Variants in SLC25A21 observed in about 807,000 individuals in gnomAD.
SLC25A21 encodes the protein solute carrier family 25 member 21, also known as mitochondrial 2-oxodicarboxylate carrier.
A neutral mutation model predicts 43.8 loss-of-function variants in SLC25A21; 47 were observed. That is an observed-to-expected ratio of 1.07 (90% CI 0.85 to 1.37). The LOEUF is 1.37. Ranked by LOEUF, SLC25A21 falls within the 40% of genes most tolerant of loss-of-function variation. The probability of loss-of-function intolerance (pLI) is 0.00; values close to 1 mark genes in which losing one functional copy is unlikely to be tolerated. For synonymous variants in SLC25A21, 131 were observed against 121.3 expected (o/e 1.08, Z -0.52); for missense variants, 352 against 350.2 (o/e 1.00, Z -0.04).
chr14:36,874,988 GC>G lies in SLC25A21; in HGVS notation c.86del (p.Cys29SerfsTer2). 1 of 1,607,894 alleles carries G rather than the reference GC, an allele frequency of 6.2e-7. No homozygotes were observed. Among genetic ancestry groups the G allele is most frequent in the Non-Finnish European group, 8.5e-7 (1 of 1,177,726 alleles). ...AGGSAGLVEICLMHPLDVVKT... is the reference protein window; with the variant it reads ...AGGSAGLVEIXLMHPLDVVKT... ...TCACCACATCTAGGGGGTGCATCAGGCAAATTTCTACAAGACCTGAAAGATG... is the reference window on the plus strand; with the variant it reads ...TCACCACATCTAGGGGGTGCATCAGGAAATTTCTACAAGACCTGAAAGATG... On this transcript the variant is annotated frameshift_variant, in exon 2 of 10. Transcript: ENST00000331299. LOFTEE classifies it high-confidence loss of function.
At chr14:37,005,187 C>T (rs763897149) in intron 1 of SLC25A21, among the ~76,000 whole-genome samples, 3 of 151,966 alleles carry the variant, frequency 2.0e-5, no homozygotes, top group Admixed American at 6.6e-5. Context: ...TGCACAAGAG[C>T]GCACACACAC....
chr14:36,706,019 T>A (rs528746610), intron 7 of SLC25A21, among the ~76,000 whole-genome samples: 5 of 152,340 alleles, frequency 3.3e-5, no homozygotes, highest in Admixed American at 2.6e-4. Context: ...TTATTATGTT[T>A]TAAATTTAAA....
At chr14:36,910,808 T>C (rs1208682141) in intron 1 of SLC25A21, among the ~76,000 whole-genome samples, 1 of 152,236 alleles carries the variant, frequency 6.6e-6, no homozygotes, top group East Asian at 1.9e-4. Context: ...GTTAATGAAC[T>C]GTAAAATTCT....
chr14:36,680,533 G>GAT lies in SLC25A21; in HGVS notation c.*123_*124dup. Reference sequence around the variant, plus strand: ...AGACATTTTTTAAAGTATTAAAATAGATTTTGTTCTTGAACAGTTTTCTCC... The same window carrying GAT: ...AGACATTTTTTAAAGTATTAAAATAGATATTTTGTTCTTGAACAGTTTTCTCC... On this transcript the variant is annotated 3_prime_UTR_variant, in exon 10 of 10. Coordinates refer to ENST00000331299, the MANE Select transcript of SLC25A21 (RefSeq NM_030631.4). 7.3e-7 allele frequency: 1 copy of GAT among 1,366,958 alleles called. No individual in the cohort carries two copies. The highest frequency in any genetic ancestry group is 9.5e-7 in the Non-Finnish European group (1 of 1,056,800). The allele number at this position is 1,366,958 out of a possible 1,614,324, so 84.7% of individuals were successfully genotyped here.
chr14:36,825,190 T>C (rs1291806948), intron 2 of SLC25A21, among the ~76,000 whole-genome samples: 5 of 152,204 alleles, frequency 3.3e-5, no homozygotes, highest in Non-Finnish European at 7.3e-5. Flanking sequence ...GCGTACTGAA[T>C]GCCTGAGGAA....
intron 1 of SLC25A21, among the ~76,000 whole-genome samples, chr14:37,046,728 C>T (rs866511183): frequency 5.9e-5 from 9 of 152,144 alleles, no homozygotes; most frequent in South Asian, 4.1e-4. Flanking sequence ...CATGATTGTG[C>T]TCTGCCCTTT....
In SLC25A21 at chr14:36,711,483, CT is replaced by C. The variant is rs1248761822; in HGVS notation, c.439-2del. 1.2e-6 allele frequency: 2 copies of C among 1,612,978 alleles called. No individual in the cohort carries two copies. Among genetic ancestry groups the C allele is most frequent in the East Asian group, 4.5e-5 (2 of 44,860 alleles). ...TTGCATAACCCACAGTGGATGGTTG[CT>C]GCAGAAGAGAGAAGCAAGGCCAGAA... On this transcript the variant is annotated splice_acceptor_variant, in intron 6 of 9. Transcript: ENST00000331299. LOFTEE classifies it high-confidence loss of function.
intron 1 of SLC25A21, among the ~76,000 whole-genome samples, chr14:36,929,313 CA>C (rs1892222165): frequency 6.6e-6 from 1 of 152,040 alleles, no homozygotes; most frequent in Non-Finnish European, 1.5e-5. Flanking sequence ...TTGTTTCTAA[CA>C]AAAAGATAGA....
chr14:36,987,694 G>C (rs1960175946), intron 1 of SLC25A21, among the ~76,000 whole-genome samples: 1 of 151,994 alleles, frequency 6.6e-6, no homozygotes, highest in Non-Finnish European at 1.5e-5. Flanking sequence ...TAAATAGTTA[G>C]GTTGTTTCCA....
intron 1 of SLC25A21, among the ~76,000 whole-genome samples, chr14:37,101,308 C>T (rs1056230756): frequency 1.3e-5 from 2 of 151,998 alleles, no homozygotes; most frequent in African/African-American, 2.4e-5. Context: ...TATGTGACTC[C>T]GTGAGCACAC....
At chr14:36,681,117 A>G (rs1321915314) in intron 9 of SLC25A21, among the ~76,000 whole-genome samples, 3 of 152,210 alleles carry the variant, frequency 2.0e-5, no homozygotes, top group Admixed American at 6.6e-5. Context: ...CGTAATTAGC[A>G]GTCTTAATTG....
chr14:36,806,597 T>A (rs1888048916), intron 3 of SLC25A21, among the ~76,000 whole-genome samples: 1 of 152,192 alleles, frequency 6.6e-6, no homozygotes, highest in Admixed American at 6.5e-5. Context: ...AGAATAATAG[T>A]AGTATGTCCA....
At chr14:37,052,877 A>C (rs1961739248) in intron 1 of SLC25A21, among the ~76,000 whole-genome samples, 1 of 152,138 alleles carries the variant, frequency 6.6e-6, no homozygotes, top group Admixed American at 6.5e-5. Context: ...GCCTCAAGTG[A>C]TCCACCTGCT....
chr14:37,109,238 G>C, intron 1 of SLC25A21, among the ~76,000 whole-genome samples: 1 of 152,086 alleles, frequency 6.6e-6, no homozygotes, highest in East Asian at 1.9e-4. Flanking sequence ...CAAGGATGGA[G>C]ATTACGATGG....
chr14:37,044,761 A>G (rs1961552182), intron 1 of SLC25A21, among the ~76,000 whole-genome samples: 2 of 152,202 alleles, frequency 1.3e-5, no homozygotes, highest in Admixed American at 1.3e-4. Flanking sequence ...AATGAAGAAT[A>G]TTCTCCTAAC....
chr14:37,125,851 T>C (rs1963288014), intron 1 of SLC25A21, among the ~76,000 whole-genome samples: 2 of 152,170 alleles, frequency 1.3e-5, no homozygotes, highest in Non-Finnish European at 1.5e-5. Flanking sequence ...CAAGATTTCA[T>C]TGTACTGAGT....
At chr14:37,007,439 C>T (rs554451731) in intron 1 of SLC25A21, among the ~76,000 whole-genome samples, 66 of 152,082 alleles carry the variant, frequency 4.3e-4, no homozygotes, top group African/African-American at 1.6e-3. Flanking sequence ...CCTGTATCTA[C>T]TAAAAATACA....
rs75054531 is a variant in SLC25A21, at chr14:36,857,667, G to A, written c.119+17289C>T. Among the ~76,000 whole-genome samples, 1,451 of 152,328 alleles carry A rather than the reference G, an allele frequency of 9.5e-3. 26 individuals are homozygous for A. The highest frequency in any genetic ancestry group is 0.033 in the African/African-American group (1,382 of 41,566). ...GCCCTCCTGCGTCCTTCAGGGAATG[G>A]TGGAAAGAGGAAAACAGCTGCTTGT... On this transcript the variant is annotated intron_variant, in intron 2 of 9. Coordinates refer to ENST00000331299, the MANE Select transcript of SLC25A21 (RefSeq NM_030631.4).
chr14:36,734,073 A>G (rs1481872196), intron 4 of SLC25A21, among the ~76,000 whole-genome samples: 1 of 152,146 alleles, frequency 6.6e-6, no homozygotes, highest in African/African-American at 2.4e-5. Context: ...ATAAAGAAAT[A>G]TGGTATATTG....
Sources: allele counts gnomAD v4.1 joint callset (sites outside exome capture counted in the v4.1 genomes callset), GRCh38; gene constraint gnomAD v4.1.1; transcripts MANE v1.5; gene names NCBI Gene and HGNC (gene_info 2026-07-23, HGNC 2026-07-21).